The following MSRA variants were observed in gnomAD, a reference collection of about 807,000 sequenced individuals.
The protein encoded by MSRA is methionine sulfoxide reductase A, also known as mitochondrial peptide methionine sulfoxide reductase.
In MSRA, 54 loss-of-function variants were observed where a neutral mutation model predicts 31.3. That is an observed-to-expected ratio of 1.73 (90% CI 1.39 to 2.17). The LOEUF is 2.17. Ranked by LOEUF, MSRA falls within the 30% of genes most tolerant of loss-of-function variation. The pLI, the probability that MSRA is intolerant of heterozygous loss-of-function variation, is 0.00. For missense variants in MSRA, 507 were observed against 300.9 expected (o/e 1.69, Z -5.07); for synonymous variants, 169 against 116.5 (o/e 1.45, Z -2.90).
chr8:10,287,823 C>T (rs1371395148), intron 3 of MSRA, among the ~76,000 whole-genome samples: 2 of 152,168 alleles, frequency 1.3e-5, no homozygotes, highest in East Asian at 3.9e-4. Flanking sequence ...GTCACCCTTT[C>T]CTCTGTAAAG....
chr8:10,332,428 C>T (rs1019306389), intron 5 of MSRA, among the ~76,000 whole-genome samples: 10 of 151,412 alleles, frequency 6.6e-5, no homozygotes, highest in African/African-American at 1.5e-4. Flanking sequence ...AATTCATTGA[C>T]TTACCTTAGT....
intron 5 of MSRA, among the ~76,000 whole-genome samples, chr8:10,367,475 C>G (rs1253124420): frequency 1.3e-5 from 2 of 152,188 alleles, no homozygotes; most frequent in South Asian, 2.1e-4. Flanking sequence ...GAACATATCC[C>G]TCATGGATAA....
Position 10,118,203 on chromosome 8 carries a change from G to T in MSRA, c.142+63545G>T, listed in dbSNP as rs191394686. Reference sequence around the variant, plus strand: ...ATGTTTTTAGTTCATTGCCCATATAGCCTTGGCAGCTATAATCAGTCACTG... The same window carrying T: ...ATGTTTTTAGTTCATTGCCCATATATCCTTGGCAGCTATAATCAGTCACTG... On this transcript the variant is annotated intron_variant, in intron 1 of 5. Coordinates refer to ENST00000317173, the MANE Select transcript of MSRA (RefSeq NM_012331.5). 1.2e-3 allele frequency among the ~76,000 whole-genome samples: 187 copies of T among 152,226 alleles called. 1 individual carries two copies. The highest frequency in any genetic ancestry group is 4.3e-3 in the African/African-American group (177 of 41,542).
intron 1 of MSRA, among the ~76,000 whole-genome samples, chr8:10,146,870 G>GGTTTGCAAAACCT (rs1803189426): frequency 2.0e-5 from 3 of 152,260 alleles, no homozygotes; most frequent in East Asian, 3.9e-4. Flanking sequence ...CTTGCTGAAA[G>GGTTTGCAAAACCT]GTTTGCAAAA....
intron 2 of MSRA, among the ~76,000 whole-genome samples, chr8:10,226,888 G>C (rs1289944130): frequency 6.6e-6 from 1 of 152,154 alleles, no homozygotes; most frequent in Non-Finnish European, 1.5e-5. Context: ...CTGGACCGTG[G>C]TGCTACTGGC....
chr8:10,383,698 C>T (rs891231874), intron 5 of MSRA, among the ~76,000 whole-genome samples: 8 of 152,172 alleles, frequency 5.3e-5, no homozygotes, highest in Non-Finnish European at 8.8e-5. Context: ...TACCCCAAAT[C>T]GGATCGCTTT....
At chr8:10,373,050 C>A (rs368461532) in intron 5 of MSRA, among the ~76,000 whole-genome samples, 5 of 152,294 alleles carry the variant, frequency 3.3e-5, no homozygotes, top group African/African-American at 1.2e-4. Flanking sequence ...ATTTACCACA[C>A]CAGCTAATTT....
intron 1 of MSRA, among the ~76,000 whole-genome samples, chr8:10,147,767 C>A (rs774173609): frequency 1.3e-5 from 2 of 152,192 alleles, no homozygotes; most frequent in Non-Finnish European, 2.9e-5. Flanking sequence ...CTGCATTCTC[C>A]TAGCATCTGT....
chr8:10,118,743 A>G (rs911173683), intron 1 of MSRA, among the ~76,000 whole-genome samples: 9 of 152,238 alleles, frequency 5.9e-5, no homozygotes, highest in African/African-American at 2.2e-4. Flanking sequence ...GTGGACTTCT[A>G]CACGTCCCTC....
intron 4 of MSRA, among the ~76,000 whole-genome samples, chr8:10,319,228 C>T (rs1328519552): frequency 6.6e-6 from 1 of 152,204 alleles, no homozygotes; most frequent in South Asian, 2.1e-4. Context: ...GGTTCATTTT[C>T]ACCACAACAT....
At chr8:10,404,378 G>A (rs1807662910) in intron 5 of MSRA, among the ~76,000 whole-genome samples, 1 of 152,234 alleles carries the variant, frequency 6.6e-6, no homozygotes, top group African/African-American at 2.4e-5. Context: ...CTGCCAGGGA[G>A]GCAGGGAAGT....
intron 4 of MSRA, among the ~76,000 whole-genome samples, chr8:10,304,923 C>T (rs879668873): frequency 6.6e-6 from 1 of 152,296 alleles, no homozygotes; most frequent in South Asian, 2.1e-4. Context: ...TAAAACTACT[C>T]GAGCAATGCT....
intron 3 of MSRA, among the ~76,000 whole-genome samples, chr8:10,271,766 TG>T (rs1799053436): frequency 1.3e-5 from 2 of 150,534 alleles, no homozygotes; most frequent in Non-Finnish European, 3.0e-5. Context: ...TCGCCCAGGC[TG>T]GAGTACAGTG....
At chr8:10,346,779 G>A (rs996926844) in intron 5 of MSRA, among the ~76,000 whole-genome samples, 1 of 152,326 alleles carries the variant, frequency 6.6e-6, no homozygotes, top group South Asian at 2.1e-4. Context: ...TAGGGAAACT[G>A]TCAGGGAAAT....
At chr8:10,180,631 C>T (rs1806457390) in intron 1 of MSRA, among the ~76,000 whole-genome samples, 1 of 152,158 alleles carries the variant, frequency 6.6e-6, no homozygotes, top group African/African-American at 2.4e-5. Flanking sequence ...TCCCCTTACC[C>T]CCATCACTCA....
At chr8:10,301,412 T>C (rs1800836288) in intron 3 of MSRA, 122 bp from the exon 4 acceptor site, 2 of 688,894 alleles carry the variant, frequency 2.9e-6, no homozygotes, top group Admixed American at 2.6e-5. Context: ...CTAATCCTCC[T>C]TCCATTCTTC....
At chr8:10,219,073 A>G (rs1304326759) in intron 2 of MSRA, among the ~76,000 whole-genome samples, 1 of 152,186 alleles carries the variant, frequency 6.6e-6, no homozygotes, top group African/African-American at 2.4e-5. Flanking sequence ...GCAACTCCAG[A>G]GAGGGCCTGA....
chr8:10,271,875 C>T (rs1018066559), intron 3 of MSRA, among the ~76,000 whole-genome samples: 7 of 152,040 alleles, frequency 4.6e-5, no homozygotes, highest in Admixed American at 1.3e-4. Context: ...CGTGCTACCA[C>T]GCCCAGCTAA....
intron 5 of MSRA, among the ~76,000 whole-genome samples, chr8:10,329,599 G>T (rs758823346): frequency 1.3e-5 from 2 of 152,132 alleles, no homozygotes; most frequent in East Asian, 3.8e-4. Flanking sequence ...TGGACATTTT[G>T]GGGAGACCAT....
Sources: gnomAD v4.1 joint callset for allele counts (sites outside exome capture counted in the v4.1 genomes callset) on GRCh38, gnomAD v4.1.1 for gene constraint, MANE v1.5 for transcripts, NCBI Gene and HGNC (gene_info 2026-07-23, HGNC 2026-07-21) for gene names.